Variants in TMC7 observed in about 807,000 individuals in gnomAD.
TMC7 encodes the protein transmembrane channel like 7.
Under a neutral mutation model 82.9 loss-of-function variants are expected in TMC7, and 54 were observed. The observed-to-expected ratio is 0.65, with a 90% CI of 0.52 to 0.82. TMC7 has a LOEUF of 0.82. TMC7 is among the 40% of genes least tolerant of loss of function. The pLI is 0.00. For missense variants in TMC7, 820 were observed against 901.2 expected (o/e 0.91, Z 1.15); for synonymous variants, 350 against 337.9 (o/e 1.04, Z -0.39).
At chr16:19,021,917 G>A in intron 4 of TMC7, 121 bp downstream of exon 4, 1 of 1,225,638 alleles carries the variant, frequency 8.2e-7, no homozygotes, top group Non-Finnish European at 1.1e-6. Context: ...AGTCAGGATG[G>A]TCTAGGTTAT....
At chr16:18,989,814 A>G (rs2038916818) in intron 1 of TMC7, among the ~76,000 whole-genome samples, 1 of 146,912 alleles carries the variant, frequency 6.8e-6, no homozygotes, top group South Asian at 2.3e-4. Context: ...TCTCGGGGGG[A>G]GGCGACTCCT....
At chr16:19,057,108 C>T (rs62025554) in intron 14 of TMC7, among the ~76,000 whole-genome samples, 441 of 152,226 alleles carry the variant, frequency 2.9e-3, no homozygotes, top group Non-Finnish European at 5.1e-3. Context: ...CACTGCACTC[C>T]AGCCTGGGTG....
intron 3 of TMC7, among the ~76,000 whole-genome samples, chr16:19,017,853 G>T (rs1959777731): frequency 6.6e-6 from 1 of 152,058 alleles, no homozygotes; most frequent in South Asian, 2.1e-4. Context: ...TGTATTTTTA[G>T]TAGAGACGGG....
chr16:19,012,560 G>C (rs1270127717), intron 2 of TMC7, among the ~76,000 whole-genome samples: 1 of 151,818 alleles, frequency 6.6e-6, no homozygotes, highest in African/African-American at 2.4e-5. Flanking sequence ...AGGCCAAGGC[G>C]GGTGGATCAC....
chr16:19,049,745 C>A, intron 12 of TMC7: 1 of 780,670 alleles, frequency 1.3e-6, no homozygotes, highest in Non-Finnish European at 1.6e-6. Context: ...TGCCCCGAGG[C>A]TGGGCACCAA....
chr16:18,999,725 A>G (rs932621609), intron 1 of TMC7, among the ~76,000 whole-genome samples: 1 of 152,112 alleles, frequency 6.6e-6, no homozygotes, highest in Admixed American at 6.6e-5. Flanking sequence ...TTGACATGTC[A>G]TAGCAGCTTC....
At chr16:18,997,002 A>T (rs1377206326) in intron 1 of TMC7, among the ~76,000 whole-genome samples, 1 of 152,242 alleles carries the variant, frequency 6.6e-6, no homozygotes, top group African/African-American at 2.4e-5. Flanking sequence ...TTGGAATGAC[A>T]GGGAGATTGA....
chr16:19,059,890 T>C, intron 15 of TMC7: 1 of 473,622 alleles, frequency 2.1e-6, no homozygotes, highest in Non-Finnish European at 3.9e-6. Context: ...GGCAGGAGAA[T>C]CCCTTGAACT....
chr16:19,059,955 T>C, intron 15 of TMC7: 18 of 358,078 alleles, frequency 5.0e-5, no homozygotes, highest in South Asian at 1.8e-4. Context: ...CCAGCCTGGG[T>C]GACAGAGTGA....
At chr16:19,020,755 G>A (rs976469604) in intron 3 of TMC7, among the ~76,000 whole-genome samples, 1 of 151,844 alleles carries the variant, frequency 6.6e-6, no homozygotes, top group Non-Finnish European at 1.5e-5. Flanking sequence ...GGGAGGCTAA[G>A]GCGTGAGAAT....
chr16:19,032,504 C>T (rs973218686), intron 6 of TMC7, among the ~76,000 whole-genome samples: 25 of 150,272 alleles, frequency 1.7e-4, no homozygotes, highest in African/African-American at 6.1e-4. Context: ...TTTGGAAGTG[C>T]CATCTTTAAG....
chr16:19,033,349 A>T (rs544230923), intron 6 of TMC7, among the ~76,000 whole-genome samples: 1 of 152,072 alleles, frequency 6.6e-6, no homozygotes, highest in Non-Finnish European at 1.5e-5. Context: ...ATAGGGAAAT[A>T]ATTTTCCTTC....
At chr16:18,994,189 T>G (rs958805568) in intron 1 of TMC7, among the ~76,000 whole-genome samples, 2 of 152,088 alleles carry the variant, frequency 1.3e-5, no homozygotes, top group Non-Finnish European at 2.9e-5. Context: ...AAGTATATAC[T>G]TCAAGTGTGA....
In TMC7 at chr16:19,009,393, A is replaced by G; in HGVS notation, c.289A>G (p.Ile97Val). The change falls in exon 2 of 16, where the codon ATC (isoleucine) becomes GTC (valine). Residue 97 changes from isoleucine (I) to valine (V), a missense_variant. Physicochemically the swap from Ile to Val is conservative, Grantham distance 29 (BLOSUM62 3). This residue lies in a region of TMC7 where 650 missense variants were observed against 669.9 expected (regional missense o/e 0.97). Coordinates refer to ENST00000304381, the MANE Select transcript of TMC7 (RefSeq NM_024847.4). The part of the protein sequence containing the change: ...SHSLRNYALN[I>V]SEKRRLRDIQ... ...TTCTCTTCGAAATTATGCACTGAAC[A>G]TCTCTGAGAAGCGGAGACTAAGGTT... is the stretch of plus-strand genomic sequence containing the variant. The G allele has an allele frequency of 1.2e-6, 2 of 1,613,668 alleles. No homozygotes were observed. Among genetic ancestry groups the G allele is most frequent in the Non-Finnish European group, 1.7e-6 (2 of 1,179,632 alleles).
intron 15 of TMC7, among the ~76,000 whole-genome samples, chr16:19,061,247 AG>A (rs1961997438): frequency 6.6e-6 from 1 of 152,170 alleles, no homozygotes; most frequent in Non-Finnish European, 1.5e-5. Flanking sequence ...TCCTGACCTC[AG>A]GTGGTCCACC....
At chr16:19,011,053 C>A (rs116735631) in intron 2 of TMC7, among the ~76,000 whole-genome samples, 1 of 152,098 alleles carries the variant, frequency 6.6e-6, no homozygotes, top group Non-Finnish European at 1.5e-5. Context: ...CACATGGCCA[C>A]GAGGCATTCA....
intron 11 of TMC7, 83 bp from the exon 12 acceptor site, chr16:19,046,980 A>G (rs371279836): frequency 3.3e-6 from 4 of 1,215,578 alleles, no homozygotes; most frequent in South Asian, 1.6e-5. Flanking sequence ...AGAAATATGC[A>G]TGGAAATAGT....
At chr16:18,994,735 G>T (rs2039011166) in intron 1 of TMC7, among the ~76,000 whole-genome samples, 1 of 152,160 alleles carries the variant, frequency 6.6e-6, no homozygotes, top group Non-Finnish European at 1.5e-5. Context: ...CTCAGATCCT[G>T]AACTAACCTG....
chr16:19,056,472 G>A, intron 13 of TMC7, 70 bp from the exon 14 acceptor site: 3 of 1,529,834 alleles, frequency 2.0e-6, no homozygotes, highest in South Asian at 2.5e-5. Flanking sequence ...AACATTCTGG[G>A]TGTACAGGGG....
Sources: allele counts gnomAD v4.1 joint callset (sites outside exome capture counted in the v4.1 genomes callset), GRCh38; gene constraint gnomAD v4.1.1; regional missense constraint gnomAD v4.1.1; transcripts MANE v1.5; gene names NCBI Gene and HGNC (gene_info 2026-07-23, HGNC 2026-07-21).